The following KCNMA1 variants were observed in gnomAD, a reference collection of about 807,000 sequenced individuals.
KCNMA1 encodes the protein Calcium-activated potassium channel subunit alpha-1.
A neutral mutation model predicts 140.0 loss-of-function variants in KCNMA1; 29 were observed. That is an observed-to-expected ratio of 0.21 (90% CI 0.15 to 0.28). The LOEUF (loss-of-function observed/expected upper bound fraction) is 0.28, where lower values mean the gene tolerates loss of function less well. Ranked by LOEUF, KCNMA1 falls within the 10% of genes least tolerant of loss-of-function variation. KCNMA1 has a pLI of 1.00. For synonymous variants in KCNMA1, 612 were observed against 611.9 expected (o/e 1.00, Z 0.00); for missense variants, 880 against 1,602.2 (o/e 0.55, Z 7.70).
chr10:76,886,201 C>A lies in KCNMA1; in HGVS notation c.*1065G>T. On this transcript the variant is annotated 3_prime_UTR_variant, in exon 28 of 28. Transcript: ENST00000286628. ...TCCTCTCACTCTACCATTGCCCCAG[C>A]CCTTCCTCCTACCTGGCATTGGGGC... 7.1e-6 allele frequency: 7 copies of A among 985,424 alleles called. No individual in the cohort carries two copies. The highest frequency in any genetic ancestry group is 8.4e-6 in the Non-Finnish European group (7 of 829,936). 61.0% of individuals were successfully genotyped at this position (985,424 alleles called of 1,614,324 possible).
chr10:76,982,139 T>A (rs1208043002), intron 19 of KCNMA1, among the ~76,000 whole-genome samples: 2 of 152,136 alleles, frequency 1.3e-5, no homozygotes, highest in African/African-American at 4.8e-5. Flanking sequence ...AAAATCTTTT[T>A]AAAGATGCAC....
At chr10:77,278,108 A>G (rs1299625468) in intron 2 of KCNMA1, among the ~76,000 whole-genome samples, 1 of 152,216 alleles carries the variant, frequency 6.6e-6, no homozygotes, top group African/African-American at 2.4e-5. Context: ...GTCACTTAGT[A>G]CAAGTTTACC....
At chr10:77,599,891 C>G (rs2082105429) in intron 1 of KCNMA1, among the ~76,000 whole-genome samples, 1 of 152,170 alleles carries the variant, frequency 6.6e-6, no homozygotes, top group African/African-American at 2.4e-5. Context: ...CACCCCTCCT[C>G]TCCTCAACTC....
intron 14 of KCNMA1, among the ~76,000 whole-genome samples, chr10:77,052,511 C>G (rs1209422876): frequency 6.6e-6 from 1 of 151,850 alleles, no homozygotes. Context: ...CTATTCGTAC[C>G]TGTCGTTCTC....
intron 1 of KCNMA1, among the ~76,000 whole-genome samples, chr10:77,546,136 T>C (rs1567460322): frequency 6.6e-6 from 1 of 152,146 alleles, no homozygotes; most frequent in Admixed American, 6.5e-5. Context: ...ACACTAAAAT[T>C]ACATTTTCTC....
chr10:77,215,367 C>CTGTTTTGTTT (rs71028261), intron 3 of KCNMA1, among the ~76,000 whole-genome samples: 7,419 of 147,536 alleles, frequency 0.05, 231 homozygotes, highest in Non-Finnish European at 0.066. Flanking sequence ...CAGATTGCAC[C>CTGTTTTGTTT]TGTTTTGTTT....
At chr10:77,078,312 G>C (rs996946080) in intron 13 of KCNMA1, among the ~76,000 whole-genome samples, 2 of 152,144 alleles carry the variant, frequency 1.3e-5, no homozygotes, top group African/African-American at 2.4e-5. Context: ...GCATCAAATG[G>C]AGAAAGGTGC....
At chr10:77,345,748 T>C (rs1566125091) in intron 2 of KCNMA1, among the ~76,000 whole-genome samples, 2 of 152,220 alleles carry the variant, frequency 1.3e-5, no homozygotes, top group Non-Finnish European at 1.5e-5. Flanking sequence ...TGGTTTACTC[T>C]GTTGTGATGT....
At position 77,517,826 on chromosome 10, in the gene KCNMA1, T is replaced by C. The variant is rs184542346; in HGVS notation, c.379-113803A>G. On this transcript the variant is annotated intron_variant, in intron 1 of 27. Transcript: ENST00000286628. ...GAACTGAAAAACACAGGTAAAGTAC[T>C]GCCTCCATGCAACAGACATTGTAGT... Among the ~76,000 whole-genome samples, 117 of 152,168 alleles carry C rather than the reference T, an allele frequency of 7.7e-4. 1 individual carries two copies. Among genetic ancestry groups the C allele is most frequent in the African/African-American group, 2.7e-3 (113 of 41,492 alleles).
chr10:77,362,139 A>T (rs931764124), intron 2 of KCNMA1, among the ~76,000 whole-genome samples: 45 of 152,128 alleles, frequency 3.0e-4, no homozygotes, highest in African/African-American at 1.0e-3. Flanking sequence ...GGCTCCCAGC[A>T]GGCTGGAGGA....
chr10:77,349,823 T>A (rs1341979891), intron 2 of KCNMA1, among the ~76,000 whole-genome samples: 1 of 152,184 alleles, frequency 6.6e-6, no homozygotes, highest in African/African-American at 2.4e-5. Flanking sequence ...TTGGAAAAAC[T>A]TTTTGTTGTC....
intron 1 of KCNMA1, among the ~76,000 whole-genome samples, chr10:77,571,583 G>A (rs1295011145): frequency 1.3e-5 from 2 of 152,120 alleles, no homozygotes; most frequent in Non-Finnish European, 2.9e-5. Context: ...TTGCCCCCCT[G>A]CAGATGTCTG....
chr10:77,093,226 A>G (rs1186872606), intron 9 of KCNMA1, among the ~76,000 whole-genome samples: 1 of 152,014 alleles, frequency 6.6e-6, no homozygotes, highest in Non-Finnish European at 1.5e-5. Context: ...AAAAAGGAAG[A>G]AAAAAAACCT....
intron 8 of KCNMA1, among the ~76,000 whole-genome samples, chr10:77,109,454 G>A (rs2097267993): frequency 6.6e-6 from 1 of 152,276 alleles, no homozygotes; most frequent in South Asian, 2.1e-4. Context: ...ACAAAATGCA[G>A]CAACTGCCAA....
chr10:77,274,968 A>T (rs905733178), intron 2 of KCNMA1, among the ~76,000 whole-genome samples: 5 of 152,202 alleles, frequency 3.3e-5, no homozygotes, highest in African/African-American at 1.2e-4. Context: ...ATTCGGGCAG[A>T]TTGCCTCCTG....
chr10:77,382,220 C>A (rs1379545909), intron 2 of KCNMA1, among the ~76,000 whole-genome samples: 1 of 152,112 alleles, frequency 6.6e-6, no homozygotes, highest in East Asian at 1.9e-4. Context: ...AAGGGAGGTT[C>A]TGAAGGCTTC....
intron 17 of KCNMA1, among the ~76,000 whole-genome samples, chr10:77,017,901 C>T (rs1209554257): frequency 2.6e-5 from 4 of 152,134 alleles, no homozygotes; most frequent in African/African-American, 7.2e-5. Context: ...GTTTTAGATA[C>T]AGAGAACCTA....
intron 9 of KCNMA1, among the ~76,000 whole-genome samples, chr10:77,106,390 C>T (rs1334024351): frequency 6.6e-6 from 1 of 152,164 alleles, no homozygotes; most frequent in Non-Finnish European, 1.5e-5. Context: ...TTGAGTGGAA[C>T]TGCCAGGGTG....
intron 23 of KCNMA1, among the ~76,000 whole-genome samples, chr10:76,925,444 T>C (rs981874637): frequency 6.6e-6 from 1 of 152,146 alleles, no homozygotes; most frequent in African/African-American, 2.4e-5. Context: ...GATATATACA[T>C]TACAAGACAA....
Sources: allele counts gnomAD v4.1 joint callset (sites outside exome capture counted in the v4.1 genomes callset), GRCh38; gene constraint gnomAD v4.1.1; transcripts MANE v1.5; gene names NCBI Gene and HGNC (gene_info 2026-07-23, HGNC 2026-07-21).